POLA1: variants seen among roughly 807,000 people sequenced by gnomAD.
POLA1 encodes the protein DNA polymerase alpha catalytic subunit.
A neutral mutation model predicts 124.0 loss-of-function variants in POLA1; 15 were observed. That is an observed-to-expected ratio of 0.12 (90% CI 0.08 to 0.19). The LOEUF is 0.19. POLA1 is among the 10% of genes least tolerant of loss of function. The probability of loss-of-function intolerance (pLI) is 1.00; values close to 1 mark genes in which losing one functional copy is unlikely to be tolerated. For synonymous variants in POLA1, 408 were observed against 389.4 expected (o/e 1.05, Z -0.56); for missense variants, 886 against 1,103.4 (o/e 0.80, Z 2.79).
At chrX:24,939,605 C>T (rs2047889718) in intron 36 of POLA1, among the ~76,000 whole-genome samples, 1 of 111,315 alleles carries the variant, frequency 9.0e-6, no homozygotes, top group South Asian at 3.8e-4. Context: ...TTCCAGTGGT[C>T]TAGTGGAAGG....
intron 36 of POLA1, among the ~76,000 whole-genome samples, chrX:24,965,068 A>G (rs1188165942): frequency 8.9e-6 from 1 of 112,046 alleles, no homozygotes; most frequent in Non-Finnish European, 1.9e-5. Flanking sequence ...TCAGATCACT[A>G]TAGGGAAGGA....
intron 35 of POLA1, among the ~76,000 whole-genome samples, chrX:24,905,418 T>TG (rs1401359432): frequency 2.1e-3 from 1 of 472 alleles, no homozygotes; most frequent in African/African-American, 6.6e-3. Flanking sequence ...ATTGCTGGGG[T>TG]GGGGGGGTGG....
At chrX:24,726,677 T>C (rs892621696) in intron 13 of POLA1, among the ~76,000 whole-genome samples, 2 of 112,112 alleles carry the variant, frequency 1.8e-5, no homozygotes, top group African/African-American at 3.2e-5. Flanking sequence ...AGAAATTTTC[T>C]TTTGGGGGAG....
chrX:24,700,266 C>T (rs1434348553), intron 2 of POLA1, among the ~76,000 whole-genome samples: 4 of 110,148 alleles, frequency 3.6e-5, no homozygotes, highest in Middle Eastern at 4.2e-3. Context: ...TTTCAATAAC[C>T]AAATGAAATT....
intron 34 of POLA1, among the ~76,000 whole-genome samples, chrX:24,868,695 C>T (rs755570795): frequency 1.8e-5 from 2 of 111,780 alleles, no homozygotes; most frequent in Non-Finnish European, 3.8e-5. Context: ...ATTTTGGTCA[C>T]ATATTTAATG....
At chrX:24,904,411 C>T (rs761658129) in intron 35 of POLA1, among the ~76,000 whole-genome samples, 2 of 109,201 alleles carry the variant, frequency 1.8e-5, no homozygotes, top group Non-Finnish European at 3.8e-5. Context: ...TAGAAATCCC[C>T]ATGGCTTTCT....
At chrX:24,977,349 A>G (rs1177152186) in intron 36 of POLA1, among the ~76,000 whole-genome samples, 1 of 112,725 alleles carries the variant, frequency 8.9e-6, no homozygotes, top group African/African-American at 3.2e-5. Context: ...CATAATTTTG[A>G]AAACATTGTT....
At chrX:24,808,533 A>G (rs2045844400) in intron 26 of POLA1, among the ~76,000 whole-genome samples, 1 of 108,421 alleles carries the variant, frequency 9.2e-6, no homozygotes, top group Admixed American at 9.9e-5. Context: ...TTTTTTTAAG[A>G]TCCCCAGGTG....
At chrX:24,782,779 T>G (rs1286259256) in intron 26 of POLA1, among the ~76,000 whole-genome samples, 7 of 111,537 alleles carry the variant, frequency 6.3e-5, no homozygotes, top group Non-Finnish European at 1.1e-4. Context: ...AAACCCTTAT[T>G]AAATCAGTCC....
Position 24,867,481 on chromosome X carries a change from T to C in POLA1, c.4048-20525T>C, listed in dbSNP as rs113292647. Among the ~76,000 whole-genome samples the C allele has an allele frequency of 6.0e-3, 674 of 111,790 alleles. 6 individuals are homozygous for C. The highest frequency in any genetic ancestry group is 0.021 in the African/African-American group (637 of 30,902). ...CCTTAGCCTTGAGGATTTAATTTAA[T>C]GTGTTTGTTCTTCAGAAAGAATGTA... On this transcript the variant is annotated intron_variant, in intron 34 of 36. Coordinates refer to ENST00000379068, the MANE Select transcript of POLA1 (RefSeq NM_001330360.2).
intron 36 of POLA1, among the ~76,000 whole-genome samples, chrX:24,934,672 A>G (rs2047826416): frequency 1.8e-5 from 2 of 111,918 alleles, no homozygotes; most frequent in African/African-American, 6.5e-5. Context: ...ATATTTCCTC[A>G]CATTTCTGGA....
At chrX:24,884,727 T>C (rs1178140544) in intron 34 of POLA1, among the ~76,000 whole-genome samples, 1 of 112,089 alleles carries the variant, frequency 8.9e-6, no homozygotes, top group Non-Finnish European at 1.9e-5. Flanking sequence ...CACACAGTTA[T>C]CAGCATGTTT....
At chrX:24,853,374 A>T (rs1378750472) in intron 34 of POLA1, among the ~76,000 whole-genome samples, 3 of 112,169 alleles carry the variant, frequency 2.7e-5, no homozygotes, top group Non-Finnish European at 5.6e-5. Flanking sequence ...CTGAAATCAT[A>T]TCGGTAAACT....
chrX:24,866,343 A>G lies in POLA1; in HGVS notation c.4048-21663A>G, dbSNP rs535245515. 2.7e-5 allele frequency among the ~76,000 whole-genome samples: 3 copies of G among 111,926 alleles called. No homozygotes were observed. In the South Asian group the frequency reaches 1.1e-3, roughly 42 times the overall value. ...TTAGTTTTGCTTCTGACCGCTGGCTATTCCCATCAGCAAGAAGACCTTTTT... is the reference window on the plus strand; with the variant it reads ...TTAGTTTTGCTTCTGACCGCTGGCTGTTCCCATCAGCAAGAAGACCTTTTT... On this transcript the variant is annotated intron_variant, in intron 34 of 36. Transcript: ENST00000379068.
At chrX:24,695,989 A>G (rs930766211) in intron 1 of POLA1, among the ~76,000 whole-genome samples, 1 of 112,852 alleles carries the variant, frequency 8.9e-6, no homozygotes, top group Non-Finnish European at 1.9e-5. Flanking sequence ...TTTGCCTTCT[A>G]AAGCTAGACC....
chrX:24,863,172 A>G (rs763931800), intron 34 of POLA1, among the ~76,000 whole-genome samples: 2 of 111,547 alleles, frequency 1.8e-5, no homozygotes, highest in South Asian at 7.6e-4. Flanking sequence ...GTTTAATATG[A>G]TGGTGAAAGA....
intron 34 of POLA1, among the ~76,000 whole-genome samples, chrX:24,874,710 A>G (rs1341824616): frequency 9.0e-6 from 1 of 111,383 alleles, no homozygotes; most frequent in Non-Finnish European, 1.9e-5. Flanking sequence ...ATGTTCTCCA[A>G]CTGAGGTCCC....
chrX:24,969,207 CA>C (rs369936803), intron 36 of POLA1, among the ~76,000 whole-genome samples: 90 of 87,464 alleles, frequency 1.0e-3, no homozygotes, highest in South Asian at 2.7e-3. Flanking sequence ...GACTCCGTCT[CA>C]AAAAAAAAAA....
At chrX:24,752,035 G>A (rs1042440911) in intron 26 of POLA1, among the ~76,000 whole-genome samples, 2 of 111,897 alleles carry the variant, frequency 1.8e-5, no homozygotes, top group African/African-American at 6.5e-5. Flanking sequence ...GCATTTGGAT[G>A]TGGATTAATA....
Sources: allele counts gnomAD v4.1 joint callset (sites outside exome capture counted in the v4.1 genomes callset), GRCh38; gene constraint gnomAD v4.1.1; transcripts MANE v1.5; gene names NCBI Gene and HGNC (gene_info 2026-07-23, HGNC 2026-07-21).